Variants in RBFOX1 observed in about 807,000 individuals in gnomAD.
RBFOX1 encodes the protein RNA binding fox-1 homolog 1.
RBFOX1 carries 8 observed loss-of-function variants against 57.7 expected under a neutral mutation model. The observed-to-expected ratio is 0.14, with a 90% confidence interval of 0.08 to 0.25. The LOEUF is 0.25. RBFOX1 is among the 10% of genes least tolerant of loss of function. RBFOX1 has a pLI of 1.00. For missense variants in RBFOX1, 611 were observed against 548.5 expected, an observed-to-expected ratio of 1.11 and a Z score of -1.14; for synonymous variants, 326 against 222.4, an observed-to-expected ratio of 1.47 and a Z score of -4.15.
chr16:7,569,592 G>A (rs949633911), intron 5 of RBFOX1, among the ~76,000 whole-genome samples: 10 of 152,272 alleles, frequency 6.6e-5, no homozygotes, highest in Non-Finnish European at 7.3e-5. Flanking sequence ...ATTCTCCATT[G>A]CCATGTAAAG....
At chr16:7,150,815 C>T (rs546355342) in intron 4 of RBFOX1, among the ~76,000 whole-genome samples, 1 of 152,192 alleles carries the variant, frequency 6.6e-6, no homozygotes, top group Non-Finnish European at 1.5e-5. Context: ...TCTATTGATG[C>T]TTGTTAATTG....
intron 1 of RBFOX1, among the ~76,000 whole-genome samples, chr16:6,226,364 ACT>A (rs1421558423): frequency 2.0e-5 from 2 of 102,102 alleles, no homozygotes; most frequent in African/African-American, 7.4e-5. Context: ...CAAGAGTGAA[ACT>A]CTGTCTCCAA....
intron 4 of RBFOX1, among the ~76,000 whole-genome samples, chr16:7,227,782 C>T (rs1044705992): frequency 3.3e-5 from 5 of 152,216 alleles, no homozygotes; most frequent in Admixed American, 3.3e-4. Flanking sequence ...CTGTGGCAGA[C>T]ACAGGAAACT....
At chr16:6,767,986 G>T (rs935334801) in intron 3 of RBFOX1, among the ~76,000 whole-genome samples, 1 of 149,128 alleles carries the variant, frequency 6.7e-6, no homozygotes, top group South Asian at 2.1e-4. Context: ...AGAAGAAGAA[G>T]AAATTATGGA....
At chr16:5,777,929 A>G (rs1262025596) in intron 3 of RBFOX1, among the ~76,000 whole-genome samples, 1 of 152,118 alleles carries the variant, frequency 6.6e-6, no homozygotes, top group Non-Finnish European at 1.5e-5. Context: ...CTTTTATTTC[A>G]TTTATTCTTC....
chr16:6,353,108 T>A (rs17139909), intron 2 of RBFOX1, among the ~76,000 whole-genome samples: 1,915 of 152,170 alleles, frequency 0.013, 37 homozygotes, highest in African/African-American at 0.044. Context: ...CATAAATGCT[T>A]CTAATGTGAG....
At chr16:5,301,631 A>AC (rs1567303860) in intron 1 of RBFOX1, among the ~76,000 whole-genome samples, 1 of 150,654 alleles carries the variant, frequency 6.6e-6, no homozygotes, top group Non-Finnish European at 1.5e-5. Flanking sequence ...AAAAAAAAAA[A>AC]AAAAAAACAC....
intron 3 of RBFOX1, among the ~76,000 whole-genome samples, chr16:5,721,761 A>G (rs2051944554): frequency 6.6e-6 from 1 of 152,212 alleles, no homozygotes. Context: ...CTCATTCTGA[A>G]TTATTATTCC....
intron 4 of RBFOX1, among the ~76,000 whole-genome samples, chr16:7,476,502 G>A (rs1010362614): frequency 6.6e-6 from 1 of 152,124 alleles, no homozygotes; most frequent in Non-Finnish European, 1.5e-5. Flanking sequence ...GGTATAACTT[G>A]CCCAGGTTCA....
intron 3 of RBFOX1, among the ~76,000 whole-genome samples, chr16:5,631,887 T>G (rs1412314854): frequency 6.6e-6 from 1 of 152,144 alleles, no homozygotes; most frequent in Non-Finnish European, 1.5e-5. Context: ...GGATGGACAC[T>G]GGGGTGTTCA....
In RBFOX1 at chr16:5,767,503, C is replaced by T. The variant is rs545679525; in HGVS notation, c.319-99800C>T. ...GGCATGAAGCATGTGTGTATGGGTT[C>T]AGAGCCCCTGTGCAGACATCACACT... On this transcript the variant is annotated intron_variant, in intron 3 of 19. Transcript: ENST00000641259. Among the ~76,000 whole-genome samples, 8 of 152,298 alleles carry T rather than the reference C, an allele frequency of 5.3e-5. No homozygotes were observed. The South Asian group carries it at 1.0e-3, about 20-fold the overall frequency.
intron 2 of RBFOX1, among the ~76,000 whole-genome samples, chr16:6,593,069 G>A (rs750257483): frequency 6.6e-6 from 1 of 152,154 alleles, no homozygotes; most frequent in Admixed American, 6.5e-5. Flanking sequence ...GCAGGTGCCT[G>A]TACTCCCAGC....
intron 14 of RBFOX1, among the ~76,000 whole-genome samples, chr16:7,704,433 T>G (rs2081770731): frequency 6.6e-6 from 1 of 152,204 alleles, no homozygotes; most frequent in Non-Finnish European, 1.5e-5. Flanking sequence ...TCTTCTGTCT[T>G]GAAGCATCCT....
intron 2 of RBFOX1, among the ~76,000 whole-genome samples, chr16:6,518,407 G>A (rs1470749800): frequency 6.6e-6 from 1 of 152,160 alleles, no homozygotes; most frequent in Non-Finnish European, 1.5e-5. Context: ...GAAAGAAAAA[G>A]TGCACCAATC....
intron 1 of RBFOX1, among the ~76,000 whole-genome samples, chr16:5,249,268 C>G (rs764231991): frequency 1.3e-5 from 2 of 152,170 alleles, no homozygotes; most frequent in African/African-American, 2.4e-5. Context: ...ATGGGGTGCC[C>G]TGGTTTCCTT....
intron 3 of RBFOX1, among the ~76,000 whole-genome samples, chr16:7,047,039 GCAATTTCCTT>G (rs1199177074): frequency 2.2e-5 from 3 of 138,062 alleles, no homozygotes; most frequent in African/African-American, 8.1e-5. Context: ...AGCTCTTCAT[GCAATTTCCTT>G]TTTTTTTTTT....
intron 3 of RBFOX1, among the ~76,000 whole-genome samples, chr16:6,678,966 G>A (rs1171589916): frequency 1.3e-5 from 2 of 152,140 alleles, no homozygotes; most frequent in Non-Finnish European, 2.9e-5. Flanking sequence ...ATCATACAGT[G>A]AGACTCTAAT....
intron 2 of RBFOX1, among the ~76,000 whole-genome samples, chr16:6,485,097 A>C (rs1463109289): frequency 6.6e-6 from 1 of 152,166 alleles, no homozygotes; most frequent in Admixed American, 6.5e-5. Context: ...GCTATGACTA[A>C]GTTTGAAGAG....
At chr16:6,482,475 T>A (rs533688845) in intron 2 of RBFOX1, among the ~76,000 whole-genome samples, 10 of 152,224 alleles carry the variant, frequency 6.6e-5, no homozygotes, top group African/African-American at 1.2e-4. Flanking sequence ...ACAAAAAAAG[T>A]GAAATAGATC....
Sources: allele counts gnomAD v4.1 joint callset (sites outside exome capture counted in the v4.1 genomes callset), GRCh38; gene constraint gnomAD v4.1.1; transcripts MANE v1.5; gene names NCBI Gene and HGNC (gene_info 2026-07-23, HGNC 2026-07-21).